The following TMTC1 variants were observed in gnomAD, a reference collection of about 807,000 sequenced individuals.
The protein encoded by TMTC1 is transmembrane O-mannosyltransferase targeting cadherins 1.
In TMTC1, 73 loss-of-function variants were observed where a neutral mutation model predicts 104.8. That is an observed-to-expected ratio of 0.70 (90% CI 0.58 to 0.85). TMTC1 has a LOEUF of 0.85. Among genes scored for constraint, TMTC1 ranks in the 40% least tolerant of loss-of-function variants. TMTC1 has a pLI of 0.00. For synonymous variants in TMTC1, 434 were observed against 428.7 expected, an observed-to-expected ratio of 1.01 and a Z score of -0.15; for missense variants, 1,035 against 1,096.1, an observed-to-expected ratio of 0.94 and a Z score of 0.79.
At chr12:29,551,821 C>G (rs1436675886) in intron 10 of TMTC1, among the ~76,000 whole-genome samples, 2 of 149,128 alleles carry the variant, frequency 1.3e-5, no homozygotes, top group African/African-American at 4.9e-5. Flanking sequence ...TAAATTCTAA[C>G]CAAAGCCAAC....
chr12:29,669,265 T>C (rs1437864192), intron 5 of TMTC1, among the ~76,000 whole-genome samples: 1 of 152,214 alleles, frequency 6.6e-6, no homozygotes, highest in Admixed American at 6.5e-5. Context: ...GATCTAATAC[T>C]GGTACAGTGG....
At chr12:29,526,679 C>A (rs981834280) in intron 11 of TMTC1, among the ~76,000 whole-genome samples, 4 of 152,010 alleles carry the variant, frequency 2.6e-5, no homozygotes, top group Admixed American at 6.6e-5. Context: ...TGAAGATACG[C>A]CATTCTAGGA....
At chr12:29,556,142 A>G (rs146524129) in intron 10 of TMTC1, among the ~76,000 whole-genome samples, 3 of 152,242 alleles carry the variant, frequency 2.0e-5, no homozygotes, top group East Asian at 3.9e-4. Context: ...TGCTTAGACT[A>G]TATTAATAAA....
chr12:29,778,104 C>G (rs1233038739), intron 1 of TMTC1, among the ~76,000 whole-genome samples: 3 of 152,146 alleles, frequency 2.0e-5, no homozygotes, highest in Non-Finnish European at 4.4e-5. Context: ...TATTTTTTGG[C>G]TCTGACATTT....
chr12:29,597,242 C>CT (rs36063501), intron 7 of TMTC1, among the ~76,000 whole-genome samples: 4,989 of 124,044 alleles, frequency 0.04, 131 homozygotes, highest in African/African-American at 0.063. Flanking sequence ...TCTTTTCTTT[C>CT]TTTTTTTTTT....
intron 8 of TMTC1, among the ~76,000 whole-genome samples, chr12:29,577,314 C>A (rs548180295): frequency 4.7e-4 from 72 of 152,262 alleles, no homozygotes; most frequent in African/African-American, 1.6e-3. Context: ...CATCTCTGAA[C>A]TGGCTTCCTT....
At chr12:29,526,449 C>G (rs899084013) in intron 11 of TMTC1, among the ~76,000 whole-genome samples, 5 of 152,042 alleles carry the variant, frequency 3.3e-5, no homozygotes, top group African/African-American at 1.2e-4. Context: ...ATACTTAAAA[C>G]ATTTTAGTGA....
At chr12:29,692,307 T>G (rs1402458610) in intron 5 of TMTC1, among the ~76,000 whole-genome samples, 1 of 145,370 alleles carries the variant, frequency 6.9e-6, no homozygotes, top group African/African-American at 2.5e-5. Context: ...AATCTTTCTC[T>G]CCTCTATTGT....
chr12:29,524,454 A>C (rs1944277964), intron 11 of TMTC1, among the ~76,000 whole-genome samples: 1 of 152,218 alleles, frequency 6.6e-6, no homozygotes, highest in Non-Finnish European at 1.5e-5. Context: ...AATCTAGAGT[A>C]ATTTTATTAT....
At chr12:29,665,102 T>C (rs570587644) in intron 5 of TMTC1, among the ~76,000 whole-genome samples, 2 of 151,994 alleles carry the variant, frequency 1.3e-5, no homozygotes, top group African/African-American at 4.8e-5. Context: ...TCTCACCAAC[T>C]GATGACACCA....
chr12:29,674,283 C>T (rs987840113), intron 5 of TMTC1, among the ~76,000 whole-genome samples: 1 of 150,130 alleles, frequency 6.7e-6, no homozygotes, highest in East Asian at 2.0e-4. Flanking sequence ...AAAAATATTT[C>T]TATGAGATGA....
At chr12:29,662,479 A>G (rs1473981608) in intron 5 of TMTC1, among the ~76,000 whole-genome samples, 3 of 151,990 alleles carry the variant, frequency 2.0e-5, no homozygotes, top group African/African-American at 7.3e-5. Flanking sequence ...GTGAAACCCC[A>G]TCTCTATTAA....
chr12:29,707,135 A>T (rs1239585387), intron 5 of TMTC1, among the ~76,000 whole-genome samples: 1 of 152,094 alleles, frequency 6.6e-6, no homozygotes, highest in Admixed American at 6.5e-5. Context: ...CACCTCGTGG[A>T]TGTCAAGAGG....
chr12:29,689,229 A>T (rs1406271794), intron 5 of TMTC1, among the ~76,000 whole-genome samples: 1 of 151,958 alleles, frequency 6.6e-6, no homozygotes, highest in Non-Finnish European at 1.5e-5. Flanking sequence ...TTTAAATGAG[A>T]GAAAAATAAG....
intron 5 of TMTC1, among the ~76,000 whole-genome samples, chr12:29,680,539 G>A (rs183188345): frequency 1.3e-5 from 2 of 152,262 alleles, no homozygotes; most frequent in Admixed American, 1.3e-4. Flanking sequence ...ATCAGATGAA[G>A]ATAGAATGCC....
At chr12:29,739,413 C>T (rs1230231489) in intron 5 of TMTC1, among the ~76,000 whole-genome samples, 3 of 152,200 alleles carry the variant, frequency 2.0e-5, no homozygotes, top group African/African-American at 7.2e-5. Flanking sequence ...TCTGTTAAGA[C>T]TCAGCTTGAG....
chr12:29,514,979 C>T (rs554064486), intron 15 of TMTC1, among the ~76,000 whole-genome samples: 3 of 152,278 alleles, frequency 2.0e-5, no homozygotes, highest in African/African-American at 7.2e-5. Context: ...CATGCCACTG[C>T]ACTCCAGCCT....
chr12:29,531,692 C>T (rs1477041656), intron 11 of TMTC1, among the ~76,000 whole-genome samples: 1 of 152,176 alleles, frequency 6.6e-6, no homozygotes, highest in Non-Finnish European at 1.5e-5. Context: ...AAGTCAGAGA[C>T]CACCCTGACT....
At chr12:29,643,849 A>ATATATATTTATATATT (rs1173261493) in intron 5 of TMTC1, among the ~76,000 whole-genome samples, 4 of 71,070 alleles carry the variant, frequency 5.6e-5, no homozygotes, top group Admixed American at 2.4e-4. Flanking sequence ...TTATATATTT[A>ATATATATTTATATATT]TATATATTTA....
Sources: allele counts gnomAD v4.1 joint callset (sites outside exome capture counted in the v4.1 genomes callset), GRCh38; gene constraint gnomAD v4.1.1; transcripts MANE v1.5; gene names NCBI Gene and HGNC (gene_info 2026-07-23, HGNC 2026-07-21).